The following STAP1 variants were observed in gnomAD, a reference collection of about 807,000 sequenced individuals.
The protein encoded by STAP1 is signal transducing adaptor family member 1, also known as signal-transducing adaptor protein 1.
A neutral mutation model predicts 37.8 loss-of-function variants in STAP1; 30 were observed. The ratio of observed to expected loss-of-function variants is 0.79; its 90% confidence interval spans 0.59 to 1.08. The LOEUF is 1.08. STAP1 is among the 50% of genes least tolerant of loss of function. The pLI is 0.00. For synonymous variants in STAP1, 130 were observed against 116.0 expected (o/e 1.12, Z -0.78); for missense variants, 357 against 349.4 (o/e 1.02, Z -0.17).
intron 2 of STAP1, among the ~76,000 whole-genome samples, chr4:67,574,654 G>A (rs537256453): frequency 2.0e-5 from 3 of 152,118 alleles, no homozygotes; most frequent in African/African-American, 7.2e-5. Flanking sequence ...CTGGATGATG[G>A]GCCAAATCTG....
At chr4:67,578,172 CA>C (rs1422580264) in intron 4 of STAP1, among the ~76,000 whole-genome samples, 1 of 152,108 alleles carries the variant, frequency 6.6e-6, no homozygotes, top group African/African-American at 2.4e-5. Flanking sequence ...TTAACTCTTG[CA>C]GTAAGATAAT....
intron 2 of STAP1, 135 bp from the exon 3 acceptor site, chr4:67,575,250 T>C: frequency 1.7e-6 from 1 of 575,174 alleles, no homozygotes; most frequent in Non-Finnish European, 2.9e-6. Context: ...ACATGTCCTC[T>C]GGGATTAGGA....
Position 67,565,934 on chromosome 4 carries a change from CTTTTTTTTTTTTTTTT to C in STAP1, c.121-5135_121-5120del, listed in dbSNP as rs60607477. On this transcript the variant is annotated intron_variant, in intron 1 of 8. Coordinates refer to ENST00000265404, the MANE Select transcript of STAP1 (RefSeq NM_012108.4). ...TTCTCTTCCCCCCTCAACCCAACTG[CTTTTTTTTTTTTTTTT>C]TTTTTTTTTTTTTTACGAGACAGAG... Among the ~76,000 whole-genome samples, 4 of 59,430 alleles carry C rather than the reference CTTTTTTTTTTTTTTTT, an allele frequency of 6.7e-5. No homozygotes were observed. In the South Asian group the frequency reaches 1.6e-3, roughly 24 times the overall value. 39.0% of individuals were successfully genotyped at this position (59,430 alleles called of 152,430 possible). A position where few individuals can be genotyped will look rare whatever the true frequency, so the allele number is the denominator to read the frequency against.
chr4:67,563,568 G>A (rs565119128), intron 1 of STAP1, among the ~76,000 whole-genome samples: 3 of 152,156 alleles, frequency 2.0e-5, no homozygotes, highest in Non-Finnish European at 4.4e-5. Flanking sequence ...GCCAGGCGTG[G>A]TGGCACACCC....
At chr4:67,567,893 C>T (rs955501669) in intron 1 of STAP1, among the ~76,000 whole-genome samples, 3 of 152,198 alleles carry the variant, frequency 2.0e-5, no homozygotes. Flanking sequence ...ATCAGAAAGG[C>T]CGTCAGCCAA....
rs1283514680 is a variant in STAP1, at chr4:67,606,318, G to A, written c.849G>A (p.Gly283=). 1 of 1,612,406 alleles carries A rather than the reference G, an allele frequency of 6.2e-7. No individual in the cohort carries two copies. Among genetic ancestry groups the A allele is most frequent in the Admixed American group, 1.7e-5 (1 of 59,750 alleles). The part of the protein sequence containing the change: ...ENTGQEPSME[G]RSEKLKKNPH... ...TAGGTCAAGAACCCAGTATGGAAGG[G>A]AGAAGTGAAAAGTTGAAGAAAAATC... is the stretch of plus-strand genomic sequence containing the variant. The change falls in exon 9 of 9, where the codon GGG becomes GGA. Residue 283 remains glycine, a synonymous_variant. Coordinates refer to ENST00000265404, the MANE Select transcript of STAP1 (RefSeq NM_012108.4).
intron 8 of STAP1, among the ~76,000 whole-genome samples, chr4:67,599,154 G>A (rs980512441): frequency 6.6e-6 from 1 of 152,150 alleles, no homozygotes; most frequent in African/African-American, 2.4e-5. Context: ...ATGTTCATCA[G>A]AGATATTGGC....
intron 2 of STAP1, among the ~76,000 whole-genome samples, chr4:67,573,745 G>C (rs1727655785): frequency 6.6e-6 from 1 of 151,980 alleles, no homozygotes; most frequent in Non-Finnish European, 1.5e-5. Flanking sequence ...TATAGAAATA[G>C]CTTTGGAAAA....
chr4:67,593,427 A>G lies in STAP1; in HGVS notation c.826+71A>G, dbSNP rs571642029. The G allele has an allele frequency of 5.9e-5, 65 of 1,102,748 alleles. 1 individual carries two copies. In the South Asian group the frequency reaches 8.7e-4, roughly 15 times the overall value. The allele number at this position is 1,102,748 out of a possible 1,614,324, so 68.3% of individuals were successfully genotyped here. ...CAAAACAAAATCCCCAAAACTCTGCATATGATTGATAGTACCAGCCAGGCA... is the reference window on the plus strand; with the variant it reads ...CAAAACAAAATCCCCAAAACTCTGCGTATGATTGATAGTACCAGCCAGGCA... On this transcript the variant is annotated intron_variant, in intron 8 of 8. Transcript: ENST00000265404.
intron 3 of STAP1, among the ~76,000 whole-genome samples, chr4:67,575,701 GA>G (rs1235672840): frequency 6.6e-6 from 1 of 152,154 alleles, no homozygotes; most frequent in East Asian, 1.9e-4. Context: ...CAAGCGCCAC[GA>G]AACCAGATAC....
intron 4 of STAP1, among the ~76,000 whole-genome samples, chr4:67,579,951 C>T (rs1289522172): frequency 6.6e-6 from 1 of 152,074 alleles, no homozygotes; most frequent in Non-Finnish European, 1.5e-5. Context: ...CTGCAAATTC[C>T]GCCTCCCAGG....
chr4:67,570,732 G>A (rs1419007921), intron 1 of STAP1, among the ~76,000 whole-genome samples: 2 of 151,100 alleles, frequency 1.3e-5, no homozygotes, highest in Non-Finnish European at 3.0e-5. Flanking sequence ...GGAAGGAAGG[G>A]AGAAAGGAGG....
rs1727851906 is a variant in STAP1 at position 67,581,361 on chromosome 4, A to C, written c.420A>C (p.Glu140Asp). The stretch of plus-strand genomic sequence containing the variant: ...CTGGGCAAGTAATTAAACTGCATGA[A>C]GTCCTAGAGAGAGAAAAGAAAAGGA... ...LLPGQVIKLH[E>D]VLEREKKRRI... Residue 140 changes from glutamate to aspartate, a missense_variant, in exon 5 of 9, where the codon GAA becomes GAC. Transcript: ENST00000265404. 1 of 1,613,810 alleles carries C rather than the reference A, an allele frequency of 6.2e-7. No homozygotes were observed. Among genetic ancestry groups the C allele is most frequent in the Admixed American group, 1.7e-5 (1 of 59,986 alleles).
At chr4:67,584,771 G>A (rs1727944302) in intron 6 of STAP1, among the ~76,000 whole-genome samples, 1 of 152,170 alleles carries the variant, frequency 6.6e-6, no homozygotes, top group African/African-American at 2.4e-5. Context: ...TGGTAGGAGA[G>A]GAGATTCCAG....
chr4:67,562,104 G>GAAAGAAAGAAAAGAA (rs1323541824), intron 1 of STAP1, among the ~76,000 whole-genome samples: 95 of 141,344 alleles, frequency 6.7e-4, no homozygotes, highest in African/African-American at 2.3e-3. Flanking sequence ...AAGAAAGAGA[G>GAAAGAAAGAAAAGAA]AAAGAAAGAA....
intron 3 of STAP1, among the ~76,000 whole-genome samples, chr4:67,576,669 A>AT (rs1727727607): frequency 6.6e-6 from 1 of 152,082 alleles, no homozygotes; most frequent in Admixed American, 6.6e-5. Context: ...AATTTTTTGT[A>AT]TTTTTTGTAG....
chr4:67,575,445 A>G lies in STAP1; in HGVS notation c.253A>G (p.Lys85Glu), dbSNP rs1273044191. The stretch of plus-strand genomic sequence containing the variant: ...CCTTACTGAGCAGAATTCAACTGAA[A>G]AGAACTGTGCGAAATTCACCCTTGT... ...TCLTEQNSTEKNCAKFTLVLP... is the reference protein window; with the variant it reads ...TCLTEQNSTEENCAKFTLVLP... Residue 85 changes from lysine (K) to glutamate (E), a missense_variant, in exon 3 of 9, where the codon AAG (lysine) becomes GAG (glutamate). Coordinates refer to ENST00000265404, the MANE Select transcript of STAP1 (RefSeq NM_012108.4). 6.2e-7 allele frequency: 1 copy of G among 1,607,894 alleles called. No homozygotes were observed. Among genetic ancestry groups the G allele is most frequent in the East Asian group, 2.2e-5 (1 of 44,692 alleles).
At chr4:67,572,055 T>C (rs1225461901) in intron 2 of STAP1, among the ~76,000 whole-genome samples, 2 of 152,214 alleles carry the variant, frequency 1.3e-5, no homozygotes, top group Admixed American at 1.3e-4. Context: ...ACTTACTACA[T>C]GGCAAGAGGC....
chr4:67,560,765 C>T (rs1462778361), intron 1 of STAP1, among the ~76,000 whole-genome samples: 2 of 151,936 alleles, frequency 1.3e-5, no homozygotes, highest in African/African-American at 4.8e-5. Context: ...GATTCTCCTG[C>T]CTCAGCCTCC....
Sources: allele counts gnomAD v4.1 joint callset (sites outside exome capture counted in the v4.1 genomes callset), GRCh38; gene constraint gnomAD v4.1.1; transcripts MANE v1.5; gene names NCBI Gene and HGNC (gene_info 2026-07-23, HGNC 2026-07-21).